The following CDH7 variants were observed in gnomAD, a reference collection of about 807,000 sequenced individuals.
CDH7 encodes the protein cadherin 7.
In CDH7, 25 loss-of-function variants were observed where a neutral mutation model predicts 71.8. The ratio of observed to expected loss-of-function variants is 0.35; its 90% CI spans 0.25 to 0.49. The LOEUF (loss-of-function observed/expected upper bound fraction) is 0.49. CDH7 is among the 20% of genes least tolerant of loss of function. The pLI is 0.99. For synonymous variants in CDH7, 381 were observed against 363.8 expected, an observed-to-expected ratio of 1.05 and a Z score of -0.54; for missense variants, 862 against 974.6, an observed-to-expected ratio of 0.88 and a Z score of 1.54.
chr18:65,832,128 C>T (rs8086245), intron 6 of CDH7, among the ~76,000 whole-genome samples: 122,940 of 152,048 alleles, frequency 0.81, 53,724 homozygotes, highest in East Asian at 0.99. Context: ...TTTCTACCTG[C>T]GGACTGTGCT....
chr18:65,844,100 A>G, intron 7 of CDH7, 35 bp downstream of exon 7: 1 of 1,592,066 alleles, frequency 6.3e-7, no homozygotes, highest in South Asian at 1.1e-5. Flanking sequence ...CTATGGTTTT[A>G]CAAACAATGC....
At chr18:65,838,534 C>A (rs1912615495) in intron 6 of CDH7, among the ~76,000 whole-genome samples, 1 of 152,088 alleles carries the variant, frequency 6.6e-6, no homozygotes, top group Admixed American at 6.6e-5. Context: ...GTCATGCTAC[C>A]ATTAAAGAGA....
chr18:65,778,288 A>T (rs796141222), intron 2 of CDH7, among the ~76,000 whole-genome samples: 72 of 149,546 alleles, frequency 4.8e-4, no homozygotes, highest in East Asian at 1.4e-3. Context: ...AAAAAAAAAA[A>T]AAAAAAAAAA....
chr18:65,755,396 G>A (rs1916003228), intron 1 of CDH7, among the ~76,000 whole-genome samples: 1 of 152,174 alleles, frequency 6.6e-6, no homozygotes, highest in African/African-American at 2.4e-5. Context: ...CAAACTTAAG[G>A]AGCAGCAGAA....
At chr18:65,750,282 A>G (rs1157748541), upstream of CDH7, 1 of 151,978 alleles carries the variant, frequency 6.6e-6, no homozygotes, top group Admixed American at 6.6e-5. Flanking sequence ...TGAAAGGGCA[A>G]AACTATCAAG....
chr18:65,775,803 C>T lies in CDH7; in HGVS notation c.210+12751C>T, dbSNP rs575781675. ...AGGAAAAAACAAGGAAGAACTCAAG[C>T]AAGAGTTATCACATTGGCCACTTGG... On this transcript the variant is annotated intron_variant, in intron 2 of 11. Transcript: ENST00000397968. Among the ~76,000 whole-genome samples, 15 of 152,250 alleles carry T rather than the reference C, an allele frequency of 9.9e-5. 1 individual carries two copies. In the South Asian group the frequency reaches 3.1e-3, roughly 32 times the overall value.
chr18:65,883,808 AT>A lies in CDH7; in HGVS notation c.*2915del, dbSNP rs1400952757. The stretch of plus-strand genomic sequence containing the variant: ...AATTTATATGATTTAAAATAATGAC[AT>A]GAAAGGAATTTATGCTATATTTTAC... On this transcript the variant is annotated 3_prime_UTR_variant, in exon 12 of 12. Coordinates refer to ENST00000397968, the MANE Select transcript of CDH7 (RefSeq NM_004361.5). The A allele has an allele frequency of 6.6e-6, 1 of 152,164 alleles. No homozygotes were observed. The highest frequency in any genetic ancestry group is 1.5e-5 in the Non-Finnish European group (1 of 67,980). The allele number at this position is 152,164 out of a possible 1,614,324, so 9.4% of individuals were successfully genotyped here.
At chr18:65,868,931 A>G (rs2628202) in intron 11 of CDH7, among the ~76,000 whole-genome samples, 116,332 of 152,056 alleles carry the variant, frequency 0.77, 44,691 homozygotes, top group East Asian at 0.93. Context: ...CCCTTTAAGC[A>G]TATATGATCT....
rs1914434221 is a variant in CDH7 at position 65,888,659 on chromosome 18, T to G, written c.*7765T>G. 1 of 152,278 alleles carries G rather than the reference T, an allele frequency of 6.6e-6. No individual in the cohort carries two copies. Among genetic ancestry groups the G allele is most frequent in the African/African-American group, 2.4e-5 (1 of 41,554 alleles). The allele number at this position is 152,278 out of a possible 1,614,324, so 9.4% of individuals were successfully genotyped here. On this transcript the variant is annotated 3_prime_UTR_variant, in exon 12 of 12. Coordinates refer to ENST00000397968, the MANE Select transcript of CDH7 (RefSeq NM_004361.5). ...CATATACATGGTTTCAATTTTCTTATAAGTCTGTGAATCACTCAAGTTAGG... is the reference window on the plus strand; with the variant it reads ...CATATACATGGTTTCAATTTTCTTAGAAGTCTGTGAATCACTCAAGTTAGG...
chr18:65,777,623 A>G (rs1220366021), intron 2 of CDH7, among the ~76,000 whole-genome samples: 1 of 152,100 alleles, frequency 6.6e-6, no homozygotes, highest in Non-Finnish European at 1.5e-5. Context: ...ACTCCCTGCC[A>G]TTTATGAAAT....
intron 6 of CDH7, among the ~76,000 whole-genome samples, chr18:65,838,989 C>T (rs1471206338): frequency 1.3e-5 from 2 of 152,102 alleles, no homozygotes; most frequent in Non-Finnish European, 2.9e-5. Context: ...TATTTTGTGT[C>T]AGTCACTGTT....
intron 2 of CDH7, among the ~76,000 whole-genome samples, chr18:65,794,537 A>G (rs1322893998): frequency 1.3e-5 from 2 of 151,978 alleles, no homozygotes; most frequent in South Asian, 4.2e-4. Flanking sequence ...TGGAGATGGA[A>G]CATTGTGAAT....
intron 2 of CDH7, among the ~76,000 whole-genome samples, chr18:65,805,815 A>G (rs12955235): frequency 0.97 from 147,545 of 152,268 alleles, 71,669 homozygotes; most frequent in East Asian, 1. Flanking sequence ...ATACTCTTGT[A>G]GACAAAAACG....
intron 4 of CDH7, 24 bp downstream of exon 4, chr18:65,814,628 T>C: frequency 6.3e-7 from 1 of 1,593,054 alleles, no homozygotes; most frequent in Middle Eastern, 1.7e-4. Context: ...TGTGACATTC[T>C]TGTAAAGTCA....
intron 4 of CDH7, 77 bp downstream of exon 4, chr18:65,814,681 GT>G: frequency 7.7e-7 from 1 of 1,296,598 alleles, no homozygotes; most frequent in Non-Finnish European, 1.1e-6. Context: ...TCTAAATATA[GT>G]TGACACTAAT....
intron 2 of CDH7, among the ~76,000 whole-genome samples, chr18:65,784,113 A>AT (rs72393865): frequency 0.019 from 2,065 of 106,720 alleles, 39 homozygotes; most frequent in African/African-American, 0.033. Flanking sequence ...ACCCACAGCT[A>AT]TTTTTTTTTT....
intron 2 of CDH7, among the ~76,000 whole-genome samples, chr18:65,790,306 A>C (rs1719615505): frequency 6.6e-6 from 1 of 151,600 alleles, no homozygotes; most frequent in African/African-American, 2.4e-5. Flanking sequence ...ATTCCTAAGT[A>C]TAGAGGTATA....
At chr18:65,781,771 C>CTATCT (rs1910204532) in intron 2 of CDH7, among the ~76,000 whole-genome samples, 1 of 39,082 alleles carries the variant, frequency 2.6e-5, no homozygotes, top group African/African-American at 9.7e-5. Flanking sequence ...TCTTTCTTTC[C>CTATCT]TTCCTTCCTT....
At chr18:65,830,774 A>G (rs1407038984) in intron 6 of CDH7, among the ~76,000 whole-genome samples, 1 of 63,624 alleles carries the variant, frequency 1.6e-5, no homozygotes. Flanking sequence ...CTCTTTTCTT[A>G]TTCTTTCTTA....
Sources: gnomAD v4.1 joint callset for allele counts (sites outside exome capture counted in the v4.1 genomes callset) on GRCh38, gnomAD v4.1.1 for gene constraint, MANE v1.5 for transcripts, NCBI Gene and HGNC (gene_info 2026-07-23, HGNC 2026-07-21) for gene names.